BCL2: variants seen among roughly 807,000 people sequenced by gnomAD.
BCL2 encodes the protein BCL2 apoptosis regulator.
A neutral mutation model predicts 14.2 loss-of-function variants in BCL2; 1 was observed. The ratio of observed to expected loss-of-function variants is 0.07; its 90% CI spans 0.02 to 0.33. The LOEUF (loss-of-function observed/expected upper bound fraction) is 0.33, where lower values mean the gene tolerates loss of function less well. BCL2 is among the 10% of genes least tolerant of loss of function. The pLI, the probability that BCL2 is intolerant of heterozygous loss-of-function variation, is 0.99. For synonymous variants in BCL2, 151 were observed against 137.2 expected (o/e 1.10, Z -0.70); for missense variants, 247 against 305.9 (o/e 0.81, Z 1.44).
At chr18:63,142,176 C>T (rs1914383969) in intron 2 of BCL2, among the ~76,000 whole-genome samples, 1 of 152,176 alleles carries the variant, frequency 6.6e-6, no homozygotes, top group African/African-American at 2.4e-5. Context: ...GTACAAAGAA[C>T]CTGCATGTCC....
At chr18:63,219,060 T>C (rs1910308270) in intron 2 of BCL2, among the ~76,000 whole-genome samples, 1 of 152,198 alleles carries the variant, frequency 6.6e-6, no homozygotes, top group Admixed American at 6.5e-5. Flanking sequence ...ATTTTCTATA[T>C]AACATAACCT....
chr18:63,259,211 C>T (rs1201289517), intron 2 of BCL2, among the ~76,000 whole-genome samples: 2 of 152,266 alleles, frequency 1.3e-5, no homozygotes, highest in South Asian at 2.1e-4. Flanking sequence ...TTGCTGTCAC[C>T]TCCCACATGA....
intron 2 of BCL2, among the ~76,000 whole-genome samples, chr18:63,288,128 G>A (rs1912528339): frequency 6.6e-6 from 1 of 152,152 alleles, no homozygotes; most frequent in Non-Finnish European, 1.5e-5. Context: ...AAATTGTTGG[G>A]TTTTGGCATT....
chr18:63,232,995 G>A (rs1910728060), intron 2 of BCL2, among the ~76,000 whole-genome samples: 1 of 152,192 alleles, frequency 6.6e-6, no homozygotes, highest in Non-Finnish European at 1.5e-5. Flanking sequence ...AGTTCTGAAG[G>A]ATGGAATCCC....
intron 2 of BCL2, among the ~76,000 whole-genome samples, chr18:63,288,726 C>T (rs570025711): frequency 1.3e-5 from 2 of 152,310 alleles, no homozygotes; most frequent in Non-Finnish European, 2.9e-5. Context: ...ACTCAAGTTG[C>T]AAACTACCAA....
intron 2 of BCL2, among the ~76,000 whole-genome samples, chr18:63,225,488 G>A (rs1910519809): frequency 6.6e-6 from 1 of 152,214 alleles, no homozygotes. Flanking sequence ...AGGGACTGGG[G>A]TAAGTAAAGT....
chr18:63,246,734 C>T (rs575594430), intron 2 of BCL2, among the ~76,000 whole-genome samples: 9 of 152,260 alleles, frequency 5.9e-5, no homozygotes, highest in African/African-American at 1.7e-4. Context: ...TCTTATTTTT[C>T]GGTTTTACTT....
At chr18:63,137,045 G>A (rs1299996408) in intron 2 of BCL2, among the ~76,000 whole-genome samples, 1 of 152,180 alleles carries the variant, frequency 6.6e-6, no homozygotes, top group Non-Finnish European at 1.5e-5. Flanking sequence ...TGAGTCTTGT[G>A]CTTTGCCTGT....
At chr18:63,290,229 G>T (rs1450874248) in intron 2 of BCL2, among the ~76,000 whole-genome samples, 1 of 152,148 alleles carries the variant, frequency 6.6e-6, no homozygotes, top group Non-Finnish European at 1.5e-5. Flanking sequence ...TGTTTAATTT[G>T]AACTGCCAAC....
At chr18:63,274,063 AT>A (rs1420526131) in intron 2 of BCL2, among the ~76,000 whole-genome samples, 1 of 152,116 alleles carries the variant, frequency 6.6e-6, no homozygotes, top group Non-Finnish European at 1.5e-5. Context: ...CTCAATCCTC[AT>A]TCTTGAAGCT....
At chr18:63,292,450 G>A (rs951766510) in intron 2 of BCL2, among the ~76,000 whole-genome samples, 2 of 152,154 alleles carry the variant, frequency 1.3e-5, no homozygotes, top group African/African-American at 4.8e-5. Context: ...AATACCTTTA[G>A]AAAGGCTTTC....
chr18:63,183,383 G>C (rs1007013087), intron 2 of BCL2, among the ~76,000 whole-genome samples: 1 of 152,182 alleles, frequency 6.6e-6, no homozygotes, highest in Non-Finnish European at 1.5e-5. Flanking sequence ...ATCACAGCAG[G>C]CTTCATGGAA....
intron 2 of BCL2, among the ~76,000 whole-genome samples, chr18:63,200,220 C>T (rs1432246294): frequency 6.6e-6 from 1 of 152,186 alleles, no homozygotes; most frequent in Non-Finnish European, 1.5e-5. Context: ...ACTTACACAG[C>T]CTCCCACACC....
chr18:63,223,410 AAT>A (rs537152456), intron 2 of BCL2, among the ~76,000 whole-genome samples: 280 of 126,922 alleles, frequency 2.2e-3, no homozygotes, highest in Non-Finnish European at 2.5e-3. Context: ...AAAAAAAAAA[AAT>A]AAATAAAGAA....
At chr18:63,290,542 T>C (rs983598730) in intron 2 of BCL2, among the ~76,000 whole-genome samples, 6 of 152,134 alleles carry the variant, frequency 3.9e-5, no homozygotes, top group African/African-American at 9.7e-5. Flanking sequence ...TATCTCGAGC[T>C]AAAGAAAACA....
At chr18:63,192,639 C>G (rs991384032) in intron 2 of BCL2, among the ~76,000 whole-genome samples, 1 of 152,128 alleles carries the variant, frequency 6.6e-6, no homozygotes, top group Admixed American at 6.6e-5. Context: ...TGGCAGCTGG[C>G]TCCTTGGAAT....
rs1913844720 is a variant in BCL2, at chr18:63,124,004, T to C, written c.*4621A>G. ...TTGGTATGCAGAACAACCTTGTTGT[T>C]GATAGGATGTTTGCTTGAAGTTATT... On this transcript the variant is annotated 3_prime_UTR_variant, in exon 3 of 3. Coordinates refer to ENST00000333681, the MANE Select transcript of BCL2 (RefSeq NM_000633.3). The C allele has an allele frequency of 9.0e-6, 2 of 221,502 alleles. No individual in the cohort carries two copies. The highest frequency in any genetic ancestry group is 1.8e-5 in the Non-Finnish European group (2 of 110,820). The allele number at this position is 221,502 out of a possible 1,614,324, so 13.7% of individuals were successfully genotyped here.
intron 2 of BCL2, among the ~76,000 whole-genome samples, chr18:63,304,191 TC>T (rs1913049905): frequency 6.6e-6 from 1 of 152,210 alleles, no homozygotes; most frequent in Non-Finnish European, 1.5e-5. Context: ...TTTTCTGACT[TC>T]CTCACAATGT....
At chr18:63,290,690 G>A (rs1046173359) in intron 2 of BCL2, among the ~76,000 whole-genome samples, 1 of 152,166 alleles carries the variant, frequency 6.6e-6, no homozygotes, top group South Asian at 2.1e-4. Context: ...GCTTTGGAGA[G>A]ATCACCTTTC....
Sources: gnomAD v4.1 joint callset for allele counts (sites outside exome capture counted in the v4.1 genomes callset) on GRCh38, gnomAD v4.1.1 for gene constraint, MANE v1.5 for transcripts, NCBI Gene and HGNC (gene_info 2026-07-23, HGNC 2026-07-21) for gene names.